The following SEZ6L variants were observed in gnomAD, a reference collection of about 807,000 sequenced individuals.
The protein encoded by SEZ6L is seizure 6-like protein.
SEZ6L carries 37 observed loss-of-function variants against 106.2 expected under a neutral mutation model. The ratio of observed to expected loss-of-function variants is 0.35; its 90% CI spans 0.27 to 0.46. The LOEUF is 0.46. SEZ6L is among the 20% of genes least tolerant of loss of function. SEZ6L has a pLI of 1.00. For synonymous variants in SEZ6L, 541 were observed against 570.4 expected (o/e 0.95, Z 0.73); for missense variants, 1,172 against 1,332.8 (o/e 0.88, Z 1.88).
At chr22:26,374,223 A>G (rs1271240694) in intron 14 of SEZ6L, among the ~76,000 whole-genome samples, 1 of 151,690 alleles carries the variant, frequency 6.6e-6, no homozygotes, top group Non-Finnish European at 1.5e-5. Flanking sequence ...AGTATATTAT[A>G]GCATATATAT....
intron 12 of SEZ6L, among the ~76,000 whole-genome samples, chr22:26,357,955 C>T (rs2083491963): frequency 6.6e-6 from 1 of 152,162 alleles, no homozygotes; most frequent in South Asian, 2.1e-4. Context: ...TAAGAGACAG[C>T]GATTCCCCGG....
chr22:26,315,776 A>G (rs1032323763), intron 9 of SEZ6L, among the ~76,000 whole-genome samples: 3 of 151,940 alleles, frequency 2.0e-5, no homozygotes, highest in African/African-American at 7.3e-5. Flanking sequence ...GCTCATCCTC[A>G]TCTGGGCACG....
intron 9 of SEZ6L, among the ~76,000 whole-genome samples, chr22:26,339,560 C>T (rs1384230532): frequency 6.6e-6 from 1 of 152,080 alleles, no homozygotes; most frequent in African/African-American, 2.4e-5. Flanking sequence ...AATGTGTCAT[C>T]CTTTAACAGT....
At chr22:26,280,105 T>A (rs559008265) in intron 1 of SEZ6L, among the ~76,000 whole-genome samples, 4 of 152,210 alleles carry the variant, frequency 2.6e-5, no homozygotes, top group Non-Finnish European at 5.9e-5. Context: ...GGTTCAAATG[T>A]TACACATGTG....
chr22:26,341,284 C>A (rs2082827164), intron 10 of SEZ6L, among the ~76,000 whole-genome samples: 1 of 151,686 alleles, frequency 6.6e-6, no homozygotes. Flanking sequence ...AAAAAAAAAC[C>A]TGCTATCAAA....
intron 1 of SEZ6L, among the ~76,000 whole-genome samples, chr22:26,222,451 A>C (rs1470102417): frequency 6.6e-6 from 1 of 152,178 alleles, no homozygotes; most frequent in Non-Finnish European, 1.5e-5. Context: ...CTCTGGAAGG[A>C]GTTATTGCTG....
chr22:26,221,578 G>A (rs1483440200), intron 1 of SEZ6L, among the ~76,000 whole-genome samples: 4 of 152,164 alleles, frequency 2.6e-5, no homozygotes, highest in African/African-American at 9.7e-5. Context: ...TGTGAATCCC[G>A]GCACATAGCA....
rs1031282885 is a variant in SEZ6L, at chr22:26,350,938, G to A, written c.2408-114G>A. ...CCCAAATTGCTGGGACTACAGGCGT[G>A]AGCCACCGCACCCGGCCAAGTTAGG... On this transcript the variant is annotated intron_variant, in intron 11 of 16. Coordinates refer to ENST00000248933, the MANE Select transcript of SEZ6L (RefSeq NM_021115.5). 3 of 1,096,128 alleles carry A rather than the reference G, an allele frequency of 2.7e-6. No individual in the cohort carries two copies. The African/African-American group carries it at 4.8e-5, about 17-fold the overall frequency. 67.9% of individuals were successfully genotyped at this position (1,096,128 alleles called of 1,614,324 possible). A position where few individuals can be genotyped will look rare whatever the true frequency, so the allele number is the denominator to read the frequency against.
chr22:26,281,704 C>G (rs1298520030), intron 1 of SEZ6L, among the ~76,000 whole-genome samples: 1 of 152,106 alleles, frequency 6.6e-6, no homozygotes, highest in Non-Finnish European at 1.5e-5. Flanking sequence ...TTACCCAGTT[C>G]CGATGTTCTG....
chr22:26,233,550 G>C (rs1296252028), intron 1 of SEZ6L, among the ~76,000 whole-genome samples: 1 of 152,232 alleles, frequency 6.6e-6, no homozygotes, highest in African/African-American at 2.4e-5. Flanking sequence ...GCTGAGGCTC[G>C]AAGTCGAGCA....
At chr22:26,175,381 A>C (rs1938910342) in intron 1 of SEZ6L, among the ~76,000 whole-genome samples, 1 of 152,228 alleles carries the variant, frequency 6.6e-6, no homozygotes, top group African/African-American at 2.4e-5. Context: ...ATAGATGAGG[A>C]AACCAAGGCT....
rs554426165 is a variant in SEZ6L at position 26,192,102 on chromosome 22, G to A, written c.94+22339G>A. Among the ~76,000 whole-genome samples the A allele has an allele frequency of 4.0e-5, 6 of 151,896 alleles. No individual in the cohort carries two copies. The East Asian group carries it at 7.7e-4, about 20-fold the overall frequency. ...TACCCACCTCTTCATCCATCCAACC[G>A]TCCATTCATCCTTTCATCCATTCAT... On this transcript the variant is annotated intron_variant, in intron 1 of 16. Coordinates refer to ENST00000248933, the MANE Select transcript of SEZ6L (RefSeq NM_021115.5).
At chr22:26,358,836 C>T (rs780188738) in intron 12 of SEZ6L, among the ~76,000 whole-genome samples, 7 of 152,106 alleles carry the variant, frequency 4.6e-5, no homozygotes, top group Non-Finnish European at 8.8e-5. Flanking sequence ...GGGGTGCTAC[C>T]GGCTTCTAGC....
chr22:26,320,904 A>G (rs2082136273), intron 9 of SEZ6L, among the ~76,000 whole-genome samples: 1 of 152,188 alleles, frequency 6.6e-6, no homozygotes, highest in Non-Finnish European at 1.5e-5. Flanking sequence ...TATGCATCCT[A>G]CAATGCACAG....
chr22:26,316,265 G>A (rs544806007), intron 9 of SEZ6L, among the ~76,000 whole-genome samples: 1 of 152,306 alleles, frequency 6.6e-6, no homozygotes, highest in South Asian at 2.1e-4. Context: ...GGAAAGAATG[G>A]AATGGATTGT....
chr22:26,271,488 G>C (rs1304216720), intron 1 of SEZ6L, among the ~76,000 whole-genome samples: 2 of 152,224 alleles, frequency 1.3e-5, no homozygotes, highest in African/African-American at 2.4e-5. Flanking sequence ...TGGAGGTGGA[G>C]CCTGGTGGCA....
chr22:26,383,036 T>G lies in SEZ6L; in HGVS notation c.*2741T>G, dbSNP rs2084457515. 1 of 149,782 alleles carries G rather than the reference T, an allele frequency of 6.7e-6. No homozygotes were observed. The highest frequency in any genetic ancestry group is 2.1e-4 in the South Asian group (1 of 4,694). 9.3% of individuals were successfully genotyped at this position (149,782 alleles called of 1,614,324 possible). On this transcript the variant is annotated 3_prime_UTR_variant, in exon 17 of 17. Transcript: ENST00000248933. ...CCCTGTGCTTTAAAAATGCACACAC[T>G]CAACCCTCTTTAGCTTGGAGCTCAG...
At chr22:26,272,139 T>C (rs139886415) in intron 1 of SEZ6L, among the ~76,000 whole-genome samples, 3 of 152,336 alleles carry the variant, frequency 2.0e-5, no homozygotes, top group Non-Finnish European at 4.4e-5. Flanking sequence ...TCCTTGGCCA[T>C]AGAAGGCAAA....
chr22:26,216,771 G>A (rs775620641), intron 1 of SEZ6L, among the ~76,000 whole-genome samples: 1 of 152,068 alleles, frequency 6.6e-6, no homozygotes, highest in Non-Finnish European at 1.5e-5. Context: ...CATCAAAATG[G>A]CCAAAATTTA....
Sources: allele counts gnomAD v4.1 joint callset (sites outside exome capture counted in the v4.1 genomes callset), GRCh38; gene constraint gnomAD v4.1.1; transcripts MANE v1.5; gene names NCBI Gene and HGNC (gene_info 2026-07-23, HGNC 2026-07-21).